ERC2: variants seen among roughly 807,000 people sequenced by gnomAD.
The protein encoded by ERC2 is ERC protein 2.
ERC2 carries 42 observed loss-of-function variants against 114.8 expected under a neutral mutation model. That is an observed-to-expected ratio of 0.37 (90% CI 0.29 to 0.47). ERC2 has a LOEUF of 0.47. Among genes scored for constraint, ERC2 ranks in the 20% least tolerant of loss-of-function variants. ERC2 has a pLI of 0.99. For missense variants in ERC2, 939 were observed against 1,150.7 expected (o/e 0.82, Z 2.66); for synonymous variants, 454 against 425.5 (o/e 1.07, Z -0.82).
At chr3:56,221,921 G>C (rs1023327591) in intron 3 of ERC2, among the ~76,000 whole-genome samples, 7 of 150,138 alleles carry the variant, frequency 4.7e-5, no homozygotes, top group Non-Finnish European at 8.9e-5. Flanking sequence ...AATCTAAAAA[G>C]CATTTCAAAA....
At chr3:55,840,793 TA>T (rs550059244) in intron 14 of ERC2, among the ~76,000 whole-genome samples, 231 of 152,130 alleles carry the variant, frequency 1.5e-3, no homozygotes, top group African/African-American at 5.3e-3. Flanking sequence ...TAGTAGGCAA[TA>T]AAAAGGTATA....
At chr3:56,361,629 C>T (rs1219828345) in intron 2 of ERC2, among the ~76,000 whole-genome samples, 2 of 152,182 alleles carry the variant, frequency 1.3e-5, no homozygotes, top group Non-Finnish European at 2.9e-5. Flanking sequence ...CACACTAAGT[C>T]TGTTTTAGAG....
chr3:55,990,124 C>T (rs995199002), intron 11 of ERC2, among the ~76,000 whole-genome samples: 1 of 152,000 alleles, frequency 6.6e-6, no homozygotes, highest in South Asian at 2.1e-4. Context: ...AAAATAGATC[C>T]ATCTAAAATC....
chr3:56,176,350 G>A (rs903984500), intron 3 of ERC2, among the ~76,000 whole-genome samples: 1 of 152,122 alleles, frequency 6.6e-6, no homozygotes, highest in African/African-American at 2.4e-5. Context: ...AAAAACCATA[G>A]GTAAAGGCAG....
rs575530347 is a variant in ERC2, at chr3:56,257,426, A to C, written c.1074+38593T>G. Among the ~76,000 whole-genome samples the C allele has an allele frequency of 2.3e-4, 35 of 152,342 alleles. No homozygotes were observed. The South Asian group carries it at 2.5e-3, about 11-fold the overall frequency. ...AACCACCTGCAGTTCAGGCAATTTA[A>C]CTTACGTCAAACCAAACAGCCTCAT... On this transcript the variant is annotated intron_variant, in intron 3 of 17. Transcript: ENST00000288221.
chr3:56,459,684 T>A (rs1218082092), intron 1 of ERC2, among the ~76,000 whole-genome samples: 1 of 152,242 alleles, frequency 6.6e-6, no homozygotes, highest in Non-Finnish European at 1.5e-5. Context: ...ATCTCACAGA[T>A]GCCCTTCCAA....
intron 14 of ERC2, among the ~76,000 whole-genome samples, chr3:55,787,407 AC>A (rs1182139077): frequency 1.3e-5 from 2 of 152,052 alleles, no homozygotes; most frequent in Non-Finnish European, 2.9e-5. Flanking sequence ...ACAGAGTGAG[AC>A]CCTGCCTCAA....
chr3:56,177,822 A>T (rs772680372), intron 3 of ERC2, among the ~76,000 whole-genome samples: 9 of 152,200 alleles, frequency 5.9e-5, no homozygotes, highest in Non-Finnish European at 1.0e-4. Flanking sequence ...CTCTGAAATT[A>T]TCCAGATTTT....
At chr3:56,381,334 C>A (rs931395426) in intron 2 of ERC2, among the ~76,000 whole-genome samples, 1 of 152,092 alleles carries the variant, frequency 6.6e-6, no homozygotes, top group South Asian at 2.1e-4. Flanking sequence ...GGTTCCAAGA[C>A]CCCCTATGCA....
At chr3:56,174,975 TAAAAA>T (rs3052701) in intron 3 of ERC2, among the ~76,000 whole-genome samples, 58 of 145,246 alleles carry the variant, frequency 4.0e-4, no homozygotes, top group Admixed American at 5.4e-4. Context: ...AGACTCTGTC[TAAAAA>T]AAAAAAAAAA....
intron 15 of ERC2, among the ~76,000 whole-genome samples, chr3:55,711,432 G>A (rs1027689370): frequency 3.3e-5 from 5 of 152,180 alleles, no homozygotes; most frequent in African/African-American, 1.2e-4. Flanking sequence ...TGCAAGCACA[G>A]ACACACATAC....
intron 17 of ERC2, among the ~76,000 whole-genome samples, chr3:55,607,154 T>C (rs1013444272): frequency 6.6e-6 from 1 of 151,844 alleles, no homozygotes; most frequent in Non-Finnish European, 1.5e-5. Context: ...TAGTGACAAA[T>C]AGGAACACAG....
chr3:55,953,928 C>T (rs778112790), intron 12 of ERC2, among the ~76,000 whole-genome samples: 94 of 151,952 alleles, frequency 6.2e-4, no homozygotes, highest in Non-Finnish European at 1.3e-3. Context: ...TTCAGTACAG[C>T]TTTCAAATGT....
chr3:55,954,214 A>G (rs1477215257), intron 12 of ERC2, among the ~76,000 whole-genome samples: 1 of 152,110 alleles, frequency 6.6e-6, no homozygotes. Context: ...ATGGTAAAAG[A>G]AGTATTTGGA....
intron 14 of ERC2, among the ~76,000 whole-genome samples, chr3:55,749,556 G>A (rs1256364830): frequency 6.6e-6 from 1 of 152,160 alleles, no homozygotes; most frequent in East Asian, 1.9e-4. Flanking sequence ...ACCAATCAGT[G>A]CTCTGTAAAA....
intron 14 of ERC2, among the ~76,000 whole-genome samples, chr3:55,885,059 C>T (rs62253661): frequency 0.1 from 15,457 of 152,084 alleles, 926 homozygotes; most frequent in African/African-American, 0.16. Context: ...TCTTGACTCA[C>T]GGCCTCACCC....
rs1213544835 is a variant in ERC2, at chr3:56,081,124, T to C, written c.1474-140A>G. 5 of 807,770 alleles carry C rather than the reference T, an allele frequency of 6.2e-6. No individual in the cohort carries two copies. In the Admixed American group the frequency reaches 1.1e-4, roughly 19 times the overall value. The allele number at this position is 807,770 out of a possible 1,614,324, so 50.0% of individuals were successfully genotyped here. The stretch of plus-strand genomic sequence containing the variant: ...GGAACCACTGCTCATGGCACCTCAC[T>C]GCCCTGCATTTTAACAGCCTACATC... On this transcript the variant is annotated intron_variant, in intron 6 of 17. Transcript: ENST00000288221.
intron 12 of ERC2, among the ~76,000 whole-genome samples, chr3:55,952,101 C>T (rs1000025761): frequency 8.2e-5 from 12 of 146,760 alleles, no homozygotes; most frequent in Admixed American, 2.0e-4. Context: ...AGGAGTTAGA[C>T]CACCCTGTGC....
chr3:55,641,838 T>A (rs1036420392), intron 17 of ERC2, among the ~76,000 whole-genome samples: 2 of 152,214 alleles, frequency 1.3e-5, no homozygotes, highest in Admixed American at 6.5e-5. Flanking sequence ...TCTAGCCATC[T>A]TTTCCATCCA....
Sources: allele counts gnomAD v4.1 joint callset (sites outside exome capture counted in the v4.1 genomes callset), GRCh38; gene constraint gnomAD v4.1.1; transcripts MANE v1.5; gene names NCBI Gene and HGNC (gene_info 2026-07-23, HGNC 2026-07-21).